Variants in SGCD observed in about 807,000 individuals in gnomAD.
SGCD encodes sarcoglycan delta.
SGCD carries 18 observed loss-of-function variants against 36.6 expected under a neutral mutation model. The ratio of observed to expected loss-of-function variants is 0.49; its 90% CI spans 0.34 to 0.73. SGCD has a LOEUF of 0.73. Ranked by LOEUF, SGCD falls within the 30% of genes least tolerant of loss-of-function variation. The pLI, the probability that SGCD is intolerant of heterozygous loss-of-function variation, is 0.01. For missense variants in SGCD, 387 were observed against 346.7 expected (o/e 1.12, Z -0.92); for synonymous variants, 133 against 130.6 (o/e 1.02, Z -0.12).
chr5:156,208,934 G>T (rs747193892), intron 3 of SGCD, among the ~76,000 whole-genome samples: 12 of 152,110 alleles, frequency 7.9e-5, no homozygotes, highest in Non-Finnish European at 1.3e-4. Flanking sequence ...TATCAAAGAA[G>T]GTAGGAGGGA....
At chr5:156,289,015 A>G (rs1178665773) in intron 3 of SGCD, among the ~76,000 whole-genome samples, 2 of 152,166 alleles carry the variant, frequency 1.3e-5, no homozygotes, top group Non-Finnish European at 2.9e-5. Context: ...ACTGATTAAA[A>G]CAAGGAGTTA....
chr5:155,862,274 A>T, the SGCD span, among the ~76,000 whole-genome samples: 105 of 152,282 alleles, frequency 6.9e-4, no homozygotes, highest in Admixed American at 1.0e-3. Flanking sequence ...TTTCCTAAAT[A>T]TTATCCTGTA....
intron 1 of SGCD, among the ~76,000 whole-genome samples, chr5:156,024,815 G>A (rs564937911): frequency 1.1e-4 from 16 of 151,980 alleles, no homozygotes; most frequent in South Asian, 4.2e-4. Flanking sequence ...AAAATTAGCC[G>A]GGCATGGTGG....
chr5:156,316,778 G>A (rs1043131991), intron 3 of SGCD, among the ~76,000 whole-genome samples: 51 of 152,132 alleles, frequency 3.4e-4, no homozygotes, highest in Non-Finnish European at 5.6e-4. Context: ...GGAACTAAGA[G>A]TGAAACCTAC....
At chr5:155,816,420 C>A in the SGCD span, among the ~76,000 whole-genome samples, 44 of 152,108 alleles carry the variant, frequency 2.9e-4, no homozygotes, top group Non-Finnish European at 5.9e-4. Flanking sequence ...AATAAAGTTA[C>A]TATTTATTAA....
chr5:156,084,974 A>T (rs1761058305), intron 1 of SGCD, among the ~76,000 whole-genome samples: 3 of 152,176 alleles, frequency 2.0e-5, no homozygotes, highest in African/African-American at 4.8e-5. Context: ...TCGCTTGTTG[A>T]TATGATGGAT....
the SGCD span, among the ~76,000 whole-genome samples, chr5:155,776,926 C>T: frequency 2.0e-5 from 3 of 152,150 alleles, no homozygotes; most frequent in African/African-American, 7.2e-5. Context: ...GTTATGGGCA[C>T]CACAATCACA....
chr5:155,809,331 G>A, the SGCD span, among the ~76,000 whole-genome samples: 7 of 152,188 alleles, frequency 4.6e-5, no homozygotes, highest in South Asian at 4.1e-4. Flanking sequence ...CTAAAAGAGC[G>A]AGGACAGAAC....
At chr5:155,994,904 C>A (rs1264417877) in intron 1 of SGCD, among the ~76,000 whole-genome samples, 3 of 152,126 alleles carry the variant, frequency 2.0e-5, no homozygotes, top group Non-Finnish European at 4.4e-5. Context: ...CTGTGGGTGC[C>A]ACTCTCATTC....
chr5:156,348,534 A>T (rs1769064491), intron 3 of SGCD, among the ~76,000 whole-genome samples: 1 of 152,178 alleles, frequency 6.6e-6, no homozygotes, highest in South Asian at 2.1e-4. Context: ...ACCTAGGAAG[A>T]TACTTAAGCA....
At chr5:156,225,835 G>A (rs979700278) in intron 3 of SGCD, among the ~76,000 whole-genome samples, 1 of 151,764 alleles carries the variant, frequency 6.6e-6, no homozygotes, top group African/African-American at 2.4e-5. Flanking sequence ...AAACCTTAAA[G>A]GTTAAGAGAG....
chr5:156,512,620 A>T (rs1756994116), intron 4 of SGCD, among the ~76,000 whole-genome samples: 2 of 152,202 alleles, frequency 1.3e-5, no homozygotes. Flanking sequence ...TTAAAATTTT[A>T]ATAGCTTTCC....
At chr5:156,133,914 A>AACACACACACACACACACACACAC (rs70981997) in intron 3 of SGCD, among the ~76,000 whole-genome samples, 1 of 140,416 alleles carries the variant, frequency 7.1e-6, no homozygotes, top group Non-Finnish European at 1.5e-5. Flanking sequence ...GCCGGGTTAA[A>AACACACACACACACACACACACAC]ACACACACAC....
intron 3 of SGCD, among the ~76,000 whole-genome samples, chr5:156,158,130 G>A (rs1329530760): frequency 6.6e-6 from 1 of 151,200 alleles, no homozygotes; most frequent in Non-Finnish European, 1.5e-5. Context: ...TGCATTGAGT[G>A]CTGGAGGTTT....
At chr5:156,108,008 A>T (rs1761690733) in intron 1 of SGCD, among the ~76,000 whole-genome samples, 1 of 152,070 alleles carries the variant, frequency 6.6e-6, no homozygotes, top group Admixed American at 6.6e-5. Context: ...AATGCTTATC[A>T]TAATATGGGC....
At chr5:156,313,748 G>A (rs1767446887) in intron 3 of SGCD, among the ~76,000 whole-genome samples, 1 of 151,960 alleles carries the variant, frequency 6.6e-6, no homozygotes, top group South Asian at 2.1e-4. Context: ...CTGCTGAAGT[G>A]GTAGGTATCT....
the SGCD span, among the ~76,000 whole-genome samples, chr5:155,808,165 T>C: frequency 2.6e-5 from 4 of 152,228 alleles, no homozygotes; most frequent in African/African-American, 4.8e-5. Flanking sequence ...GTGGGCCTCA[T>C]TGTTTCCACT....
the SGCD span, among the ~76,000 whole-genome samples, chr5:155,775,515 T>C: frequency 1.3e-5 from 2 of 152,092 alleles, no homozygotes; most frequent in African/African-American, 4.8e-5. Flanking sequence ...TTTTTCCAAC[T>C]CTATTATGCT....
At chr5:156,163,331 T>C (rs1763128400) in intron 3 of SGCD, among the ~76,000 whole-genome samples, 1 of 151,584 alleles carries the variant, frequency 6.6e-6, no homozygotes, top group African/African-American at 2.4e-5. Context: ...TGAGGAACCC[T>C]GTCAGAGTCC....
Sources: gnomAD v4.1 joint callset for allele counts (sites outside exome capture counted in the v4.1 genomes callset) on GRCh38, gnomAD v4.1.1 for gene constraint, MANE v1.5 for transcripts, NCBI Gene and HGNC (gene_info 2026-07-23, HGNC 2026-07-21) for gene names.